CDH12: variants seen among roughly 807,000 people sequenced by gnomAD.
The protein encoded by CDH12 is cadherin 12, also known as cadherin-12.
In CDH12, 41 loss-of-function variants were observed where a neutral mutation model predicts 74.1. The ratio of observed to expected loss-of-function variants is 0.55; its 90% CI spans 0.43 to 0.72. The LOEUF is 0.72. Ranked by LOEUF, CDH12 falls within the 30% of genes least tolerant of loss-of-function variation. CDH12 has a pLI of 0.00. For synonymous variants in CDH12, 399 were observed against 355.0 expected, an observed-to-expected ratio of 1.12 and a Z score of -1.39; for missense variants, 945 against 977.2, an observed-to-expected ratio of 0.97 and a Z score of 0.44.
At chr5:22,846,487 A>C in intron 1 of CDH12, among the ~76,000 whole-genome samples, 1 of 152,208 alleles carries the variant, frequency 6.6e-6, no homozygotes, top group East Asian at 1.9e-4. Context: ...GACACAGAGA[A>C]CTCAGAAAAA....
chr5:22,066,645 G>T (rs1025253106), intron 5 of CDH12, among the ~76,000 whole-genome samples: 1 of 152,176 alleles, frequency 6.6e-6, no homozygotes, highest in Non-Finnish European at 1.5e-5. Context: ...TGGAAGTGAG[G>T]ACTGTAATTG....
chr5:21,797,405 A>G (rs997249827), intron 10 of CDH12, among the ~76,000 whole-genome samples: 10 of 152,122 alleles, frequency 6.6e-5, no homozygotes, highest in Admixed American at 6.6e-4. Context: ...GGGTAAACAC[A>G]TTTTCAGAAC....
chr5:22,809,297 G>A (rs78923103), intron 1 of CDH12, among the ~76,000 whole-genome samples: 8,515 of 151,818 alleles, frequency 0.056, 346 homozygotes, highest in Middle Eastern at 0.12. Context: ...CGAGTTATGT[G>A]GTAGCAGACA....
intron 5 of CDH12, among the ~76,000 whole-genome samples, chr5:22,040,166 T>TAA (rs35483357): frequency 2.7e-5 from 4 of 150,304 alleles, no homozygotes; most frequent in Admixed American, 1.3e-4. Context: ...ACAAATAAAG[T>TAA]AAAAAAAAAT....
chr5:22,786,646 G>A (rs1035745308), intron 1 of CDH12, among the ~76,000 whole-genome samples: 37 of 152,156 alleles, frequency 2.4e-4, no homozygotes, highest in Non-Finnish European at 5.1e-4. Flanking sequence ...ATCTTCATTT[G>A]TGTAATGGGG....
intron 6 of CDH12, among the ~76,000 whole-genome samples, chr5:21,972,118 T>C (rs1473415035): frequency 2.0e-5 from 3 of 152,204 alleles, no homozygotes; most frequent in Non-Finnish European, 4.4e-5. Context: ...TCATTGCAGG[T>C]TTATTTGTTC....
intron 1 of CDH12, among the ~76,000 whole-genome samples, chr5:22,515,497 A>G (rs1175637372): frequency 6.6e-6 from 1 of 152,110 alleles, no homozygotes; most frequent in Non-Finnish European, 1.5e-5. Context: ...ACATAAATAC[A>G]TAATTCTACA....
At chr5:21,901,134 C>T (rs997515174) in intron 6 of CDH12, among the ~76,000 whole-genome samples, 5 of 152,114 alleles carry the variant, frequency 3.3e-5, no homozygotes, top group African/African-American at 4.8e-5. Context: ...TTATAGTACA[C>T]ATTGCACATT....
intron 2 of CDH12, among the ~76,000 whole-genome samples, chr5:22,494,212 G>A (rs1263184451): frequency 2.0e-5 from 3 of 152,350 alleles, no homozygotes; most frequent in East Asian, 1.9e-4. Flanking sequence ...TGCAGTTGGT[G>A]TGTTCTCCCC....
At chr5:22,733,504 A>C (rs1291975763) in intron 1 of CDH12, among the ~76,000 whole-genome samples, 1 of 150,710 alleles carries the variant, frequency 6.6e-6, no homozygotes, top group African/African-American at 2.4e-5. Context: ...TCTCCCACCA[A>C]GTTTTCTTCT....
chr5:22,750,345 T>C lies in CDH12; in HGVS notation c.-523+102713A>G, dbSNP rs555350260. On this transcript the variant is annotated intron_variant, in intron 1 of 14. Coordinates refer to ENST00000382254, the MANE Select transcript of CDH12 (RefSeq NM_004061.5). ...TAACTATAGGTAAGGGCAAGCCATT[T>C]GCAGTCCATAAACCTTGGGTGTAAC... 3.5e-4 allele frequency among the ~76,000 whole-genome samples: 54 copies of C among 152,268 alleles called. 1 individual carries two copies. The highest frequency in any genetic ancestry group is 1.3e-3 in the African/African-American group (52 of 41,542).
intron 5 of CDH12, among the ~76,000 whole-genome samples, chr5:22,042,722 C>CA (rs929400182): frequency 2.0e-4 from 31 of 151,576 alleles, no homozygotes; most frequent in African/African-American, 6.8e-4. Flanking sequence ...TCCATTTCTA[C>CA]AAAAAATAAT....
chr5:22,233,165 G>A (rs1752445596), intron 3 of CDH12, among the ~76,000 whole-genome samples: 1 of 151,634 alleles, frequency 6.6e-6, no homozygotes, highest in South Asian at 2.1e-4. Flanking sequence ...AAATCCACTT[G>A]TCAATTCATA....
At chr5:22,780,606 A>G (rs1302936076) in intron 1 of CDH12, among the ~76,000 whole-genome samples, 1 of 152,056 alleles carries the variant, frequency 6.6e-6, no homozygotes, top group Non-Finnish European at 1.5e-5. Flanking sequence ...CAGCATGGGG[A>G]TAACTGCCCC....
chr5:22,542,635 G>A (rs978508564), intron 1 of CDH12, among the ~76,000 whole-genome samples: 7 of 152,138 alleles, frequency 4.6e-5, no homozygotes, highest in African/African-American at 1.7e-4. Flanking sequence ...GCTGCAGTGG[G>A]GAACCTTAAA....
At chr5:22,732,218 T>A (rs79218669) in intron 1 of CDH12, among the ~76,000 whole-genome samples, 1 of 151,740 alleles carries the variant, frequency 6.6e-6, no homozygotes. Context: ...AGTTTTCTCC[T>A]GGCATCTTCA....
chr5:21,770,230 G>A (rs1745246647), intron 11 of CDH12, among the ~76,000 whole-genome samples: 1 of 152,140 alleles, frequency 6.6e-6, no homozygotes, highest in Non-Finnish European at 1.5e-5. Flanking sequence ...TTTTGAAAAT[G>A]GTAAAGTACT....
At chr5:22,805,381 A>C (rs530113339) in intron 1 of CDH12, among the ~76,000 whole-genome samples, 2 of 152,270 alleles carry the variant, frequency 1.3e-5, no homozygotes, top group South Asian at 4.1e-4. Flanking sequence ...AAAATTACAC[A>C]TAAGAGTGAA....
intron 1 of CDH12, among the ~76,000 whole-genome samples, chr5:22,584,558 T>C (rs1740277136): frequency 6.6e-6 from 1 of 152,220 alleles, no homozygotes; most frequent in Non-Finnish European, 1.5e-5. Context: ...TTTTTGTGTG[T>C]TACAAACAAT....
Sources: allele counts gnomAD v4.1 joint callset (sites outside exome capture counted in the v4.1 genomes callset), GRCh38; gene constraint gnomAD v4.1.1; transcripts MANE v1.5; gene names NCBI Gene and HGNC (gene_info 2026-07-23, HGNC 2026-07-21).